The following CNTNAP5 variants were observed in gnomAD, a reference collection of about 807,000 sequenced individuals.
CNTNAP5 encodes contactin associated protein family member 5.
Under a neutral mutation model 150.2 loss-of-function variants are expected in CNTNAP5, and 72 were observed. That is an observed-to-expected ratio of 0.48 (90% CI 0.40 to 0.58). CNTNAP5 has a LOEUF of 0.58. Ranked by LOEUF, CNTNAP5 falls within the 20% of genes least tolerant of loss-of-function variation. The pLI is 0.00. For synonymous variants in CNTNAP5, 672 were observed against 619.8 expected (o/e 1.08, Z -1.25); for missense variants, 1,636 against 1,626.2 (o/e 1.01, Z -0.10).
rs1461690151 is a variant in CNTNAP5 at position 124,652,544 on chromosome 2, A to G, written c.2077+4586A>G. On this transcript the variant is annotated intron_variant, in intron 13 of 23. Coordinates refer to ENST00000682447, the MANE Select transcript of CNTNAP5 (RefSeq NM_001367498.1). ...AAATGAAACAGGAGGACAGAAAAAT[A>G]AATATCAAAGCCATAGTCTGGAAGA... 2.0e-5 allele frequency among the ~76,000 whole-genome samples: 3 copies of G among 152,234 alleles called. No homozygotes were observed. In the East Asian group the frequency reaches 5.8e-4, roughly 29 times the overall value.
At chr2:124,696,091 C>A (rs1479647820) in intron 13 of CNTNAP5, among the ~76,000 whole-genome samples, 1 of 152,054 alleles carries the variant, frequency 6.6e-6, no homozygotes, top group African/African-American at 2.4e-5. Context: ...ATACTTAGAG[C>A]TGAGAATCAC....
At chr2:124,680,978 C>T (rs533649959) in intron 13 of CNTNAP5, 8 of 151,646 alleles carry the variant, frequency 5.3e-5, no homozygotes, top group South Asian at 2.1e-4. Flanking sequence ...GTGGATGACT[C>T]TAATCCTTTA....
At chr2:124,126,792 G>A (rs1683714844) in intron 1 of CNTNAP5, among the ~76,000 whole-genome samples, 1 of 152,116 alleles carries the variant, frequency 6.6e-6, no homozygotes. Flanking sequence ...CATATAAACA[G>A]AACCAAAGAC....
chr2:124,794,474 T>C (rs1383061353), intron 18 of CNTNAP5, among the ~76,000 whole-genome samples: 2 of 152,228 alleles, frequency 1.3e-5, no homozygotes, highest in East Asian at 1.9e-4. Context: ...ATCTAAAATT[T>C]TGGTGTAAAT....
chr2:124,103,898 A>T (rs1376284500), intron 1 of CNTNAP5, among the ~76,000 whole-genome samples: 2 of 147,744 alleles, frequency 1.4e-5, no homozygotes, highest in East Asian at 1.9e-4. Context: ...TATATATTAC[A>T]TATGAATCTG....
At chr2:124,198,663 T>C (rs1229692185) in intron 1 of CNTNAP5, among the ~76,000 whole-genome samples, 1 of 152,170 alleles carries the variant, frequency 6.6e-6, no homozygotes, top group African/African-American at 2.4e-5. Context: ...GGGGAATTAG[T>C]CCATTATTTT....
At chr2:124,714,582 C>T (rs1306165620) in intron 13 of CNTNAP5, among the ~76,000 whole-genome samples, 1 of 152,076 alleles carries the variant, frequency 6.6e-6, no homozygotes, top group African/African-American at 2.4e-5. Flanking sequence ...AAGCCTTTGT[C>T]TGTTCAGAGT....
At chr2:124,571,921 A>G (rs1052084915) in intron 11 of CNTNAP5, among the ~76,000 whole-genome samples, 3 of 152,156 alleles carry the variant, frequency 2.0e-5, no homozygotes, top group African/African-American at 7.2e-5. Flanking sequence ...TAAGCAAACC[A>G]ATAAAATTCA....
At chr2:124,414,592 T>C (rs978553159) in intron 3 of CNTNAP5, among the ~76,000 whole-genome samples, 9 of 152,160 alleles carry the variant, frequency 5.9e-5, no homozygotes, top group East Asian at 3.9e-4. Flanking sequence ...TTCCTTCTCA[T>C]TGGAGCACAC....
chr2:124,579,856 T>C (rs1396285297), intron 11 of CNTNAP5, among the ~76,000 whole-genome samples: 1 of 152,124 alleles, frequency 6.6e-6, no homozygotes, highest in East Asian at 1.9e-4. Flanking sequence ...AGGAGGGAGT[T>C]TTTAAGCAAA....
At chr2:124,124,645 C>G (rs143007384) in intron 1 of CNTNAP5, among the ~76,000 whole-genome samples, 7,433 of 152,082 alleles carry the variant, frequency 0.049, 289 homozygotes, top group South Asian at 0.16. Context: ...AGGAAAAAAT[C>G]TTAAGGGCAG....
In CNTNAP5 at chr2:124,535,732, G is replaced by A. The variant is rs189070235; in HGVS notation, c.1649+8276G>A. Among the ~76,000 whole-genome samples the A allele has an allele frequency of 1.0e-3, 153 of 152,064 alleles. 1 individual carries two copies. The East Asian group carries it at 0.012, about 12-fold the overall frequency. ...GCAGAGGTTGCAGTGAGCCGAGATC[G>A]CGCCACTGCACTCCAGAGTGCAGAC... On this transcript the variant is annotated intron_variant, in intron 10 of 23. Transcript: ENST00000682447.
intron 3 of CNTNAP5, among the ~76,000 whole-genome samples, chr2:124,308,882 C>A (rs984695730): frequency 6.6e-6 from 1 of 152,146 alleles, no homozygotes; most frequent in Admixed American, 6.5e-5. Flanking sequence ...CAAATTCCCA[C>A]AGACCCTGTG....
chr2:124,236,510 T>C (rs1686749887), intron 2 of CNTNAP5, among the ~76,000 whole-genome samples: 1 of 152,208 alleles, frequency 6.6e-6, no homozygotes, highest in Admixed American at 6.5e-5. Context: ...GCTACAAGCA[T>C]GTCTGTGAAT....
chr2:124,305,525 A>C (rs1402858375), intron 3 of CNTNAP5, among the ~76,000 whole-genome samples: 1 of 152,196 alleles, frequency 6.6e-6, no homozygotes, highest in Non-Finnish European at 1.5e-5. Context: ...AATAGTTACC[A>C]TGTCTGCTAT....
intron 10 of CNTNAP5, among the ~76,000 whole-genome samples, chr2:124,538,206 G>A (rs1057358441): frequency 1.3e-5 from 2 of 152,148 alleles, no homozygotes; most frequent in East Asian, 3.9e-4. Flanking sequence ...GATGTTTTAG[G>A]CCAGGCGCAG....
At chr2:124,397,121 G>T (rs945807250) in intron 3 of CNTNAP5, among the ~76,000 whole-genome samples, 2 of 152,186 alleles carry the variant, frequency 1.3e-5, no homozygotes, top group African/African-American at 4.8e-5. Flanking sequence ...AGAGGCCAGA[G>T]AATTTCTTTG....
Position 124,919,466 on chromosome 2 carries a change from G to C in CNTNAP5, c.*5178G>C, listed in dbSNP as rs530330387. Among the ~76,000 whole-genome samples the C allele has an allele frequency of 6.4e-4, 97 of 152,172 alleles. No homozygotes were observed. The highest frequency in any genetic ancestry group is 2.3e-3 in the African/African-American group (95 of 41,548). ...TGAACAAAGGTTAATGCAAAAGTTGGTTTTGGTTTCAACCACACCTGCTGC... is the reference window on the plus strand; with the variant it reads ...TGAACAAAGGTTAATGCAAAAGTTGCTTTTGGTTTCAACCACACCTGCTGC... On this transcript the variant is annotated 3_prime_UTR_variant, in exon 24 of 24. Coordinates refer to ENST00000682447, the MANE Select transcript of CNTNAP5 (RefSeq NM_001367498.1).
intron 19 of CNTNAP5, among the ~76,000 whole-genome samples, chr2:124,804,651 G>A (rs1002327303): frequency 1.1e-4 from 16 of 152,102 alleles, no homozygotes; most frequent in Admixed American, 7.2e-4. Flanking sequence ...CTGAGAAGGC[G>A]GCCATCCACA....
Sources: allele counts gnomAD v4.1 joint callset (sites outside exome capture counted in the v4.1 genomes callset), GRCh38; gene constraint gnomAD v4.1.1; transcripts MANE v1.5; gene names NCBI Gene and HGNC (gene_info 2026-07-23, HGNC 2026-07-21).